Variants in DUXA observed in about 807,000 individuals in gnomAD.
DUXA encodes double homeobox A, also known as double homeobox protein A.
DUXA carries 25 observed loss-of-function variants against 27.5 expected under a neutral mutation model. The ratio of observed to expected loss-of-function variants is 0.91; its 90% CI spans 0.66 to 1.27. The LOEUF is 1.27. Among genes scored for constraint, DUXA ranks in the 50% most tolerant of loss-of-function variants. DUXA has a pLI of 0.00. For missense variants in DUXA, 247 were observed against 242.9 expected (o/e 1.02, Z -0.11); for synonymous variants, 90 against 80.5 (o/e 1.12, Z -0.63).
intron 1 of DUXA, among the ~76,000 whole-genome samples, chr19:57,162,123 A>G (rs528631818): frequency 6.6e-6 from 1 of 152,186 alleles, no homozygotes; most frequent in Non-Finnish European, 1.5e-5. Context: ...TGGGCTCAAA[A>G]GCGATTCCCC....
chr19:57,163,035 A>G (rs756370851), intron 1 of DUXA, among the ~76,000 whole-genome samples: 1 of 151,800 alleles, frequency 6.6e-6, no homozygotes, highest in Non-Finnish European at 1.5e-5. Flanking sequence ...TGACCTCATC[A>G]TACGCGACAT....
rs181720284 is a variant in DUXA, at chr19:57,161,554, C to T, written c.26-757G>A. 2.6e-3 allele frequency among the ~76,000 whole-genome samples: 398 copies of T among 150,402 alleles called. 4 individuals carry two copies. Among genetic ancestry groups the T allele is most frequent in the Admixed American group, 0.022 (333 of 15,076 alleles). On this transcript the variant is annotated intron_variant, in intron 1 of 5. Transcript: ENST00000554048. ...AGGAGAATGGCGTGAACCCGGGAGG[C>T]GGAGCTTGCAGTGAGCCGAGATTGC...
At chr19:57,160,318 T>G (rs2087014074) in intron 2 of DUXA, among the ~76,000 whole-genome samples, 1 of 152,248 alleles carries the variant, frequency 6.6e-6, no homozygotes, top group South Asian at 2.1e-4. Flanking sequence ...CTTCACAATC[T>G]GCTGCCAACA....
chr19:57,165,990 C>G (rs1437589655), intron 1 of DUXA, among the ~76,000 whole-genome samples: 4 of 151,880 alleles, frequency 2.6e-5, no homozygotes, highest in African/African-American at 9.7e-5. Flanking sequence ...GGGGTGAGGT[C>G]ACAGTTCTAA....
chr19:57,159,423 T>C, intron 2 of DUXA, 145 bp from the exon 3 acceptor site: 2 of 783,450 alleles, frequency 2.6e-6, no homozygotes, highest in Non-Finnish European at 4.0e-6. Flanking sequence ...GTCCTTTTTT[T>C]TCTTTTTTGA....
chr19:57,157,276 TC>T (rs530994656), intron 4 of DUXA, among the ~76,000 whole-genome samples: 1 of 152,150 alleles, frequency 6.6e-6, no homozygotes, highest in Non-Finnish European at 1.5e-5. Context: ...CAGGAATGAA[TC>T]CTCGGACAGA....
chr19:57,167,109 G>T (rs2087058803), intron 1 of DUXA, among the ~76,000 whole-genome samples: 1 of 152,018 alleles, frequency 6.6e-6, no homozygotes, highest in African/African-American at 2.4e-5. Context: ...TCCCATAGTT[G>T]CTCTGTTTTA....
Position 57,155,255 on chromosome 19 carries a change from C to A in DUXA, c.544+12G>T. Reference sequence around the variant, plus strand: ...CGCTTGTGAACCACATTGGAAACAACAGGCTAGTTACCTTGCAGTCCCTCA... The same window carrying A: ...CGCTTGTGAACCACATTGGAAACAAAAGGCTAGTTACCTTGCAGTCCCTCA... On this transcript the variant is annotated intron_variant, in intron 5 of 5. Transcript: ENST00000554048. 1 of 1,612,336 alleles carries A rather than the reference C, an allele frequency of 6.2e-7. No homozygotes were observed. The highest frequency in any genetic ancestry group is 8.5e-7 in the Non-Finnish European group (1 of 1,178,482).
intron 1 of DUXA, among the ~76,000 whole-genome samples, chr19:57,162,146 C>T (rs1371613357): frequency 6.6e-6 from 1 of 152,092 alleles, no homozygotes; most frequent in Non-Finnish European, 1.5e-5. Flanking sequence ...CCTTGGCCTC[C>T]CAAAGTGCTG....
At chr19:57,154,547 T>C in intron 5 of DUXA, 65 bp from the exon 6 acceptor site, 1 of 1,295,380 alleles carries the variant, frequency 7.7e-7, no homozygotes, top group Non-Finnish European at 1.1e-6. Flanking sequence ...AACATGGACG[T>C]CAGCCTTTTC....
At chr19:57,154,575 T>TC (rs2086981584) in intron 5 of DUXA, 93 bp from the exon 6 acceptor site, 7 of 1,093,528 alleles carry the variant, frequency 6.4e-6, no homozygotes, top group Non-Finnish European at 9.1e-6. Flanking sequence ...TTCTTTTTTT[T>TC]TTTTTTTAGA....
chr19:57,156,793 T>C (rs778588508), intron 4 of DUXA, among the ~76,000 whole-genome samples: 56 of 152,170 alleles, frequency 3.7e-4, no homozygotes, highest in Non-Finnish European at 7.5e-4. Context: ...GCCTCCGGAG[T>C]AGCTGGGATT....
In DUXA at chr19:57,167,466, T is replaced by TG; in HGVS notation, c.-24dup. The stretch of plus-strand genomic sequence containing the variant: ...CATGCTGGAAGAGAGTCCTGAAGGC[T>TG]GAGCCACTGTCTGGGAGACAAGTCA... On this transcript the variant is annotated 5_prime_UTR_variant, in exon 1 of 6. Transcript: ENST00000554048. 1 of 1,612,454 alleles carries TG rather than the reference T, an allele frequency of 6.2e-7. No homozygotes were observed. The highest frequency in any genetic ancestry group is 8.5e-7 in the Non-Finnish European group (1 of 1,179,554).
At chr19:57,165,502 C>T (rs1331260573) in intron 1 of DUXA, among the ~76,000 whole-genome samples, 1 of 151,556 alleles carries the variant, frequency 6.6e-6, no homozygotes, top group African/African-American at 2.4e-5. Context: ...AAATTATTAA[C>T]GCCTATTAAA....
At chr19:57,154,708 C>T (rs1021618161) in intron 5 of DUXA, among the ~76,000 whole-genome samples, 10 of 151,994 alleles carry the variant, frequency 6.6e-5, no homozygotes, top group Admixed American at 2.0e-4. Flanking sequence ...GGACTACAGG[C>T]GCCCGCCACC....
At position 57,159,214 on chromosome 19, in the gene DUXA, T is replaced by C. The variant is rs752154616; in HGVS notation, c.245A>G (p.Glu82Gly). The change falls in exon 3 of 6, where the codon GAA becomes GGA. Residue 82 changes from glutamate to glycine, a missense_variant. By Grantham distance (98) the Glu-to-Gly change is moderately conservative. Coordinates refer to ENST00000554048, the MANE Select transcript of DUXA (RefSeq NM_001012729.2). ...ATCTTGCCCCTGGCTCTGGCTTGAT[T>C]CTAAAGTCTCAGCTTCTGGTCTTTT... ...FQKRPEAETL[E>G]SSQSQGQDQP... 1.2e-6 allele frequency: 2 copies of C among 1,614,222 alleles called. No individual in the cohort carries two copies. Among genetic ancestry groups the C allele is most frequent in the Admixed American group, 3.3e-5 (2 of 60,024 alleles).
chr19:57,162,143 C>A (rs571916469), intron 1 of DUXA, among the ~76,000 whole-genome samples: 2 of 152,240 alleles, frequency 1.3e-5, no homozygotes, highest in Admixed American at 6.5e-5. Context: ...CAGCCTTGGC[C>A]TCCCAAAGTG....
At chr19:57,166,676 A>G (rs887162663) in intron 1 of DUXA, among the ~76,000 whole-genome samples, 1 of 152,228 alleles carries the variant, frequency 6.6e-6, no homozygotes, top group African/African-American at 2.4e-5. Flanking sequence ...TGGTGGAAGC[A>G]GGGAGATCAG....
intron 2 of DUXA, among the ~76,000 whole-genome samples, chr19:57,160,257 A>C (rs2087013856): frequency 6.6e-6 from 1 of 152,190 alleles, no homozygotes; most frequent in Non-Finnish European, 1.5e-5. Flanking sequence ...TGAGACCCTG[A>C]CTCAAAAAGA....
Sources: gnomAD v4.1 joint callset for allele counts (sites outside exome capture counted in the v4.1 genomes callset) on GRCh38, gnomAD v4.1.1 for gene constraint, MANE v1.5 for transcripts, NCBI Gene and HGNC (gene_info 2026-07-23, HGNC 2026-07-21) for gene names.